The following DCDC2C variants were observed in gnomAD, a reference collection of about 807,000 sequenced individuals.
The protein encoded by DCDC2C is doublecortin domain-containing protein 2C.
Under a neutral mutation model 45.0 loss-of-function variants are expected in DCDC2C, and 44 were observed. That is an observed-to-expected ratio of 0.98 (90% CI 0.77 to 1.26). The LOEUF is 1.26. Ranked by LOEUF, DCDC2C falls within the 50% of genes most tolerant of loss-of-function variation. The pLI is 0.00. For missense variants in DCDC2C, 447 were observed against 468.9 expected (o/e 0.95, Z 0.43); for synonymous variants, 187 against 178.8 (o/e 1.05, Z -0.37).
At chr2:3,711,178 T>C (rs1405240060) in intron 2 of DCDC2C, among the ~76,000 whole-genome samples, 2 of 152,194 alleles carry the variant, frequency 1.3e-5, no homozygotes, top group Admixed American at 1.3e-4. Context: ...GAGAACACTT[T>C]TACACTGTTG....
At chr2:3,722,437 G>T (rs953437040) in intron 2 of DCDC2C, among the ~76,000 whole-genome samples, 3 of 152,224 alleles carry the variant, frequency 2.0e-5, no homozygotes, top group Non-Finnish European at 4.4e-5. Flanking sequence ...TGCAGGTAAA[G>T]AGTCTACTGC....
intron 10 of DCDC2C, among the ~76,000 whole-genome samples, chr2:3,805,295 C>G (rs1271018558): frequency 6.6e-6 from 1 of 152,214 alleles, no homozygotes; most frequent in African/African-American, 2.4e-5. Flanking sequence ...TCGGGGAAAC[C>G]TGCCAGGTTG....
intron 1 of DCDC2C, among the ~76,000 whole-genome samples, chr2:3,706,349 C>T (rs1668065609): frequency 6.6e-6 from 1 of 152,164 alleles, no homozygotes; most frequent in African/African-American, 2.4e-5. Flanking sequence ...CAGACATTTC[C>T]TGCATTTTCT....
rs372679317 is a variant in DCDC2C at position 3,771,342 on chromosome 2, A to C, written c.954+1931A>C. Among the ~76,000 whole-genome samples the C allele has an allele frequency of 2.9e-4, 44 of 152,346 alleles. No individual in the cohort carries two copies. In the East Asian group the frequency reaches 7.0e-3, roughly 24 times the overall value. ...AAATCTTCCAGAAGTGGATACAAGA[A>C]AATCCCATGCACTTAATCAACAGAG... On this transcript the variant is annotated intron_variant, in intron 8 of 10. Transcript: ENST00000399143.
At chr2:3,723,134 C>G (rs1351379474) in intron 2 of DCDC2C, among the ~76,000 whole-genome samples, 1 of 152,148 alleles carries the variant, frequency 6.6e-6, no homozygotes, top group East Asian at 1.9e-4. Context: ...TTCACTCATC[C>G]ATTATTCGTT....
intron 10 of DCDC2C, among the ~76,000 whole-genome samples, chr2:3,797,866 TC>T (rs1671005919): frequency 6.8e-6 from 1 of 148,074 alleles, no homozygotes; most frequent in Non-Finnish European, 1.5e-5. Context: ...GGTGGAGAGT[TC>T]TGTAGATGTC....
intron 10 of DCDC2C, among the ~76,000 whole-genome samples, chr2:3,817,847 C>A (rs181453246): frequency 6.6e-6 from 1 of 152,068 alleles, no homozygotes; most frequent in East Asian, 1.9e-4. Context: ...AGCTAGGTTT[C>A]CTTTTGTGAG....
intron 10 of DCDC2C, among the ~76,000 whole-genome samples, chr2:3,816,021 G>T (rs190366337): frequency 6.9e-6 from 1 of 145,460 alleles, no homozygotes; most frequent in East Asian, 1.9e-4. Context: ...GGTATGGAGA[G>T]ATAACGGGTG....
intron 10 of DCDC2C, among the ~76,000 whole-genome samples, chr2:3,846,452 C>A (rs1672332240): frequency 6.6e-6 from 1 of 152,020 alleles, no homozygotes; most frequent in South Asian, 2.1e-4. Context: ...GGGAGTCTTA[C>A]TATGTTGCCC....
At chr2:3,779,846 T>G (rs947060978) in intron 9 of DCDC2C, among the ~76,000 whole-genome samples, 1 of 151,948 alleles carries the variant, frequency 6.6e-6, no homozygotes, top group African/African-American at 2.4e-5. Flanking sequence ...GAGTGACCCC[T>G]AGGGAGCTTG....
In DCDC2C at chr2:3,718,046, G is replaced by A. The variant is rs1314248965; in HGVS notation, c.340-8957G>A. Reference sequence around the variant, plus strand: ...GCACCTGGCACTGTAATTGCTTGTTGACTTGTCTGTGTCCCTCTGTGCTCC... The same window carrying A: ...GCACCTGGCACTGTAATTGCTTGTTAACTTGTCTGTGTCCCTCTGTGCTCC... On this transcript the variant is annotated intron_variant, in intron 2 of 10. Coordinates refer to ENST00000399143, the MANE Select transcript of DCDC2C (RefSeq NM_001287444.2). 3.3e-5 allele frequency among the ~76,000 whole-genome samples: 5 copies of A among 152,330 alleles called. No homozygotes were observed. The East Asian group carries it at 9.6e-4, about 29-fold the overall frequency.
intron 6 of DCDC2C, 68 bp from the exon 7 acceptor site, chr2:3,767,686 A>G: frequency 6.6e-7 from 1 of 1,525,794 alleles, no homozygotes; most frequent in Non-Finnish European, 8.8e-7. Flanking sequence ...CCACACCCAG[A>G]GAACCTGATC....
At chr2:3,827,098 A>G (rs1489989596) in intron 10 of DCDC2C, among the ~76,000 whole-genome samples, 1 of 152,224 alleles carries the variant, frequency 6.6e-6, no homozygotes, top group Non-Finnish European at 1.5e-5. Flanking sequence ...ACGGGGAGGC[A>G]GACAAGCCAC....
intron 3 of DCDC2C, among the ~76,000 whole-genome samples, chr2:3,733,942 G>A (rs1668947352): frequency 2.0e-5 from 3 of 152,298 alleles, no homozygotes; most frequent in Admixed American, 2.0e-4. Context: ...CAAGCGGTGG[G>A]GGAAGAGGCT....
At chr2:3,823,483 G>T (rs954187436) in intron 10 of DCDC2C, among the ~76,000 whole-genome samples, 1 of 152,068 alleles carries the variant, frequency 6.6e-6, no homozygotes. Flanking sequence ...TGTCTTGTTG[G>T]TTTATGTTGT....
At chr2:3,785,152 G>T in intron 10 of DCDC2C, 52 bp downstream of exon 10, 1 of 1,205,308 alleles carries the variant, frequency 8.3e-7, no homozygotes, top group South Asian at 4.2e-5. Flanking sequence ...TCTGAAGACA[G>T]ACCTAACAAG....
At chr2:3,706,028 A>T (rs1299757568) in intron 1 of DCDC2C, among the ~76,000 whole-genome samples, 1 of 152,168 alleles carries the variant, frequency 6.6e-6, no homozygotes, top group Non-Finnish European at 1.5e-5. Flanking sequence ...AGTTTTTTTT[A>T]GGTCAGTGAG....
chr2:3,753,065 C>T lies in DCDC2C; in HGVS notation c.683+165C>T, dbSNP rs569509676. On this transcript the variant is annotated intron_variant, in intron 5 of 10. Transcript: ENST00000399143. Reference sequence around the variant, plus strand: ...ACAATTTTAGATTTTAAAAATGAGGCGTGGGGGAACTGCTCTTGTATGATG... The same window carrying T: ...ACAATTTTAGATTTTAAAAATGAGGTGTGGGGGAACTGCTCTTGTATGATG... Among the ~76,000 whole-genome samples the T allele has an allele frequency of 6.6e-5, 10 of 152,122 alleles. No homozygotes were observed. The South Asian group carries it at 1.2e-3, about 19-fold the overall frequency.
rs188605009 is a variant in DCDC2C at position 3,827,308 on chromosome 2, G to T, written c.1066-19846G>T. On this transcript the variant is annotated intron_variant, in intron 10 of 10. Transcript: ENST00000399143. ...AAGCCACGTGGAAGGGGAGGCAGCA[G>T]GGGCAGGGATGGGGGTGGGGGTCCA... 2.9e-3 allele frequency among the ~76,000 whole-genome samples: 447 copies of T among 152,296 alleles called. 1 individual carries two copies. The highest frequency in any genetic ancestry group is 5.3e-3 in the Non-Finnish European group (362 of 68,020).
Sources: gnomAD v4.1 joint callset for allele counts (sites outside exome capture counted in the v4.1 genomes callset) on GRCh38, gnomAD v4.1.1 for gene constraint, MANE v1.5 for transcripts, NCBI Gene and HGNC (gene_info 2026-07-23, HGNC 2026-07-21) for gene names.